Variants in RCAN2 observed in about 807,000 individuals in gnomAD.
RCAN2 encodes calcipressin-2.
A neutral mutation model predicts 23.6 loss-of-function variants in RCAN2; 9 were observed. The observed-to-expected ratio is 0.38, with a 90% CI of 0.23 to 0.67. RCAN2 has a LOEUF of 0.67. Among genes scored for constraint, RCAN2 ranks in the 30% least tolerant of loss-of-function variants. The probability of loss-of-function intolerance (pLI) is 0.51; values close to 1 mark genes in which losing one functional copy is unlikely to be tolerated. For missense variants in RCAN2, 273 were observed against 302.3 expected (o/e 0.90, Z 0.72); for synonymous variants, 109 against 115.7 (o/e 0.94, Z 0.37).
intron 2 of RCAN2, among the ~76,000 whole-genome samples, chr6:46,400,558 G>A (rs534467910): frequency 1.3e-5 from 2 of 152,278 alleles, no homozygotes; most frequent in East Asian, 1.9e-4. Flanking sequence ...TGCCAAACTC[G>A]AAAGAACTTG....
chr6:46,362,452 C>T (rs1460946032), intron 2 of RCAN2, among the ~76,000 whole-genome samples: 1 of 152,076 alleles, frequency 6.6e-6, no homozygotes, highest in African/African-American at 2.4e-5. Context: ...TCTACACATT[C>T]CCTATAAGAA....
intron 2 of RCAN2, among the ~76,000 whole-genome samples, chr6:46,262,358 C>T (rs1767137922): frequency 6.6e-6 from 1 of 152,168 alleles, no homozygotes; most frequent in South Asian, 2.1e-4. Context: ...ACCCTGCCAT[C>T]AATTTTGTGG....
intron 4 of RCAN2, among the ~76,000 whole-genome samples, chr6:46,240,687 G>A (rs1378505506): frequency 6.6e-6 from 1 of 152,134 alleles, no homozygotes; most frequent in Non-Finnish European, 1.5e-5. Context: ...CAAAAACATA[G>A]GTGTTCATCT....
At chr6:46,271,956 T>TAA (rs1195629314) in intron 2 of RCAN2, among the ~76,000 whole-genome samples, 1 of 152,212 alleles carries the variant, frequency 6.6e-6, no homozygotes, top group Non-Finnish European at 1.5e-5. Context: ...TGTGCTGTAG[T>TAA]AATTGGGCCA....
intron 1 of RCAN2, among the ~76,000 whole-genome samples, chr6:46,466,679 A>T (rs1768395857): frequency 2.0e-5 from 3 of 151,800 alleles, no homozygotes; most frequent in Non-Finnish European, 4.4e-5. Context: ...TAAATAAAAA[A>T]CTCTTCAGCC....
intron 1 of RCAN2, among the ~76,000 whole-genome samples, chr6:46,460,898 C>T (rs144491359): frequency 4.2e-4 from 64 of 152,284 alleles, no homozygotes; most frequent in African/African-American, 1.3e-3. Context: ...ACAATCCTCT[C>T]ATTTAAATGT....
chr6:46,445,186 G>A (rs1229907210), intron 2 of RCAN2, among the ~76,000 whole-genome samples: 2 of 152,160 alleles, frequency 1.3e-5, no homozygotes, highest in Non-Finnish European at 2.9e-5. Context: ...CAGGCTTCAG[G>A]CCAGCTTCTA....
chr6:46,489,908 C>A (rs1474561854), intron 1 of RCAN2, among the ~76,000 whole-genome samples: 2 of 152,172 alleles, frequency 1.3e-5, no homozygotes, highest in East Asian at 1.9e-4. Context: ...TAAAGAAAAT[C>A]AATGACTACA....
intron 2 of RCAN2, among the ~76,000 whole-genome samples, chr6:46,338,846 C>G (rs1468963633): frequency 6.6e-6 from 1 of 151,700 alleles, no homozygotes; most frequent in African/African-American, 2.4e-5. Flanking sequence ...AGCCCAGTCT[C>G]TAAAAAACAT....
chr6:46,385,078 A>C (rs2150395279), intron 2 of RCAN2, among the ~76,000 whole-genome samples: 1 of 152,328 alleles, frequency 6.6e-6, no homozygotes, highest in South Asian at 2.1e-4. Flanking sequence ...CATATGTTTG[A>C]AATTTTCCAA....
intron 2 of RCAN2, among the ~76,000 whole-genome samples, chr6:46,303,696 A>G (rs567417758): frequency 1.3e-5 from 2 of 152,234 alleles, no homozygotes; most frequent in Admixed American, 6.5e-5. Flanking sequence ...GACTTCTGTC[A>G]CTATAGATTA....
chr6:46,258,933 G>A (rs1767013448), intron 2 of RCAN2, among the ~76,000 whole-genome samples: 1 of 152,194 alleles, frequency 6.6e-6, no homozygotes, highest in African/African-American at 2.4e-5. Flanking sequence ...GAATGAGGGA[G>A]GCAGAGCGGG....
intron 4 of RCAN2, among the ~76,000 whole-genome samples, chr6:46,231,669 C>T (rs531592999): frequency 3.0e-4 from 46 of 152,270 alleles, no homozygotes; most frequent in African/African-American, 1.1e-3. Flanking sequence ...CTTGGCCTCC[C>T]AAAGTGCTGG....
At chr6:46,252,960 A>T (rs1766785150) in intron 2 of RCAN2, among the ~76,000 whole-genome samples, 1 of 152,226 alleles carries the variant, frequency 6.6e-6, no homozygotes, top group South Asian at 2.1e-4. Flanking sequence ...CTGCATAATC[A>T]CATAACATTT....
chr6:46,389,348 T>A (rs1173866744), intron 2 of RCAN2, among the ~76,000 whole-genome samples: 1 of 152,208 alleles, frequency 6.6e-6, no homozygotes, highest in African/African-American at 2.4e-5. Flanking sequence ...CACTGTTTCC[T>A]CTCACTGGAA....
Position 46,461,190 on chromosome 6 carries a change from T to C in RCAN2, c.-2-4212A>G, listed in dbSNP as rs565972858. Among the ~76,000 whole-genome samples the C allele has an allele frequency of 1.9e-4, 29 of 152,296 alleles. No homozygotes were observed. In the East Asian group the frequency reaches 5.2e-3, roughly 27 times the overall value. On this transcript the variant is annotated intron_variant, in intron 1 of 4. Transcript: ENST00000371374. ...AGTGTTTTTTTTACATGTAAAATTT[T>C]TAAACAAAATGGGGGTCCTGCTGTT...
chr6:46,381,992 C>T (rs1006743305), intron 2 of RCAN2, among the ~76,000 whole-genome samples: 7 of 152,066 alleles, frequency 4.6e-5, no homozygotes, highest in Non-Finnish European at 8.8e-5. Context: ...CAAGGAGCTG[C>T]CTGGAAATAG....
rs59425987 is a variant in RCAN2, at chr6:46,236,440, CTT to C, written c.571+10306_571+10307del. 2.7e-3 allele frequency among the ~76,000 whole-genome samples: 387 copies of C among 141,644 alleles called. 1 individual carries two copies. The highest frequency in any genetic ancestry group is 0.023 in the South Asian group (103 of 4,396). The allele number at this position is 141,644 out of a possible 152,430, so 92.9% of individuals were successfully genotyped here. On this transcript the variant is annotated intron_variant, in intron 4 of 4. Coordinates refer to ENST00000371374, the MANE Select transcript of RCAN2 (RefSeq NM_001251974.2). The stretch of plus-strand genomic sequence containing the variant: ...CCGTTTTAATGAGATCTCTGATTTT[CTT>C]TTTTTTTTTTTGAGATAGAAACACC...
At chr6:46,444,841 T>A (rs938758669) in intron 2 of RCAN2, among the ~76,000 whole-genome samples, 2 of 152,276 alleles carry the variant, frequency 1.3e-5, no homozygotes, top group East Asian at 3.9e-4. Flanking sequence ...GGACAGCACC[T>A]GTGGCCCCAA....
Sources: allele counts gnomAD v4.1 joint callset (sites outside exome capture counted in the v4.1 genomes callset), GRCh38; gene constraint gnomAD v4.1.1; transcripts MANE v1.5; gene names NCBI Gene and HGNC (gene_info 2026-07-23, HGNC 2026-07-21).